PVT1: variants seen among roughly 807,000 people sequenced by gnomAD.
PVT1 encodes the protein Pvt1 oncogene.
chr8:128,029,250 G>C (rs958519149), intron 4 of PVT1, among the ~76,000 whole-genome samples: 4 of 151,614 alleles, frequency 2.6e-5, no homozygotes, highest in Non-Finnish European at 5.9e-5. Flanking sequence ...AGCCTTCCAA[G>C]TAGCTGGGAC....
chr8:127,982,676 T>TAATTAATA (rs768678953), intron 3 of PVT1, among the ~76,000 whole-genome samples: 1 of 140,914 alleles, frequency 7.1e-6, no homozygotes, highest in Non-Finnish European at 1.5e-5. Flanking sequence ...ATTAATTAAT[T>TAATTAATA]AATAAAATAA....
chr8:128,022,379 G>T (rs1453467440), intron 4 of PVT1, among the ~76,000 whole-genome samples: 2 of 152,228 alleles, frequency 1.3e-5, no homozygotes, highest in African/African-American at 4.8e-5. Context: ...AAATAAAGCT[G>T]CTGGTTGACT....
intron 3 of PVT1, among the ~76,000 whole-genome samples, chr8:127,935,148 T>C (rs535866310): frequency 6.6e-6 from 1 of 152,212 alleles, no homozygotes; most frequent in South Asian, 2.1e-4. Context: ...GTATTTTTAG[T>C]AGAGACGGGG....
intron 3 of PVT1, among the ~76,000 whole-genome samples, chr8:127,988,465 CT>C (rs1816994457): frequency 6.6e-6 from 1 of 152,224 alleles, no homozygotes; most frequent in South Asian, 2.1e-4. Context: ...GTACCAGGCG[CT>C]GCTTTAGGAT....
At chr8:127,935,721 G>A (rs4733582) in intron 3 of PVT1, among the ~76,000 whole-genome samples, 42,329 of 151,526 alleles carry the variant, frequency 0.28, 6,625 homozygotes, top group Middle Eastern at 0.4. Flanking sequence ...TCTGTAAAAT[G>A]GGACAGTATG....
chr8:127,820,270 C>T (rs1374312276), intron 2 of PVT1, among the ~76,000 whole-genome samples: 2 of 152,184 alleles, frequency 1.3e-5, no homozygotes, highest in African/African-American at 4.8e-5. Context: ...GGCAAACATA[C>T]ACCCCTCCCA....
At chr8:127,944,953 A>C (rs1453732036) in intron 3 of PVT1, among the ~76,000 whole-genome samples, 2 of 152,152 alleles carry the variant, frequency 1.3e-5, no homozygotes, top group Admixed American at 1.3e-4. Flanking sequence ...TGGGCAAAGG[A>C]CATAGAAAAG....
intron 2 of PVT1, among the ~76,000 whole-genome samples, chr8:127,877,310 G>A (rs547123547): frequency 6.6e-6 from 1 of 152,236 alleles, no homozygotes; most frequent in Non-Finnish European, 1.5e-5. Context: ...TCACGCTGCT[G>A]TTTCTGTAAC....
Position 127,891,959 on chromosome 8 carries a change from G to C in PVT1, n.782+961G>C, listed in dbSNP as rs1815607427. The stretch of plus-strand genomic sequence containing the variant: ...GGACTGGCCTCTCAGGTCCAGGCCT[G>C]GTGGCCTGGGAGGCTGCTAGCTCTG... On this transcript the variant is annotated intron_variant and non_coding_transcript_variant, in intron 3 of 10. Transcript: ENST00000651587. Among the ~76,000 whole-genome samples the C allele has an allele frequency of 2.6e-5, 4 of 152,336 alleles. No individual in the cohort carries two copies. In the South Asian group the frequency reaches 8.3e-4, roughly 32 times the overall value.
rs575977087 is a variant in PVT1 at position 128,083,633 on chromosome 8, AG to A, written n.1115-12884del. Among the ~76,000 whole-genome samples the A allele has an allele frequency of 2.5e-3, 384 of 152,374 alleles. 10 individuals carry two copies. Among genetic ancestry groups the A allele is most frequent in the Admixed American group, 0.025 (380 of 15,302 alleles). On this transcript the variant is annotated intron_variant and non_coding_transcript_variant, in intron 5 of 10. Transcript: ENST00000651587. ...CCTGGCAGCCGCCTTTGAAGGCTCT[AG>A]ACTTATCTGTGAACTCCTTTTTTGA...
At chr8:127,816,820 T>G (rs2129671531) in intron 2 of PVT1, among the ~76,000 whole-genome samples, 1 of 152,342 alleles carries the variant, frequency 6.6e-6, no homozygotes, top group East Asian at 1.9e-4. Flanking sequence ...TTCCTTTACT[T>G]CCTTTAGAGC....
At chr8:127,817,069 A>G (rs897153424) in intron 2 of PVT1, among the ~76,000 whole-genome samples, 6 of 144,078 alleles carry the variant, frequency 4.2e-5, no homozygotes, top group African/African-American at 1.3e-4. Flanking sequence ...CTGGTTGCCT[A>G]TGTCAGAATT....
At chr8:128,057,648 C>G (rs1365885229) in intron 4 of PVT1, among the ~76,000 whole-genome samples, 1 of 152,336 alleles carries the variant, frequency 6.6e-6, no homozygotes, top group East Asian at 1.9e-4. Flanking sequence ...CTGCCTGTCT[C>G]TGTTCAGCCT....
At chr8:127,960,710 CA>C (rs1384460617) in intron 3 of PVT1, 1 of 514,006 alleles carries the variant, frequency 1.9e-6, no homozygotes, top group Non-Finnish European at 4.0e-6. Flanking sequence ...ATTTTTCAGA[CA>C]CAAAAACTGA....
intron 3 of PVT1, among the ~76,000 whole-genome samples, chr8:127,938,062 C>T (rs1029599027): frequency 6.6e-6 from 1 of 152,178 alleles, no homozygotes; most frequent in African/African-American, 2.4e-5. Flanking sequence ...GAATCACTGG[C>T]CTTGTAACCT....
intron 5 of PVT1, among the ~76,000 whole-genome samples, chr8:128,079,111 A>G (rs1814138726): frequency 6.7e-6 from 1 of 149,634 alleles, no homozygotes; most frequent in Non-Finnish European, 1.5e-5. Flanking sequence ...TAACCTTTTC[A>G]ACTACCATTT....
chr8:127,946,109 T>G (rs934790988), intron 3 of PVT1, among the ~76,000 whole-genome samples: 1 of 152,156 alleles, frequency 6.6e-6, no homozygotes, highest in African/African-American at 2.4e-5. Context: ...CAGGCCAAAT[T>G]GCTTCTGGTC....
At chr8:127,998,712 TTTCC>T (rs1156972645) in intron 4 of PVT1, among the ~76,000 whole-genome samples, 1 of 149,610 alleles carries the variant, frequency 6.7e-6, no homozygotes, top group Non-Finnish European at 1.5e-5. Flanking sequence ...TCTTTCTTTC[TTTCC>T]TTCCTTTCTC....
At chr8:127,970,256 C>T (rs572917136) in intron 3 of PVT1, among the ~76,000 whole-genome samples, 39 of 145,002 alleles carry the variant, frequency 2.7e-4, no homozygotes, top group African/African-American at 8.2e-4. Context: ...GAGTTTTGTC[C>T]GCATTCACAT....
Sources: gnomAD v4.1 joint callset for allele counts (sites outside exome capture counted in the v4.1 genomes callset) on GRCh38, gnomAD v4.1.1 for gene constraint, MANE v1.5 for transcripts, NCBI Gene and HGNC (gene_info 2026-07-23, HGNC 2026-07-21) for gene names.